CERKL: variants seen among roughly 807,000 people sequenced by gnomAD.
The protein encoded by CERKL is ceramide kinase-like protein.
CERKL carries 61 observed loss-of-function variants against 63.4 expected under a neutral mutation model. The ratio of observed to expected loss-of-function variants is 0.96; its 90% CI spans 0.78 to 1.19. The LOEUF (loss-of-function observed/expected upper bound fraction) is 1.19. Among genes scored for constraint, CERKL ranks in the 50% most tolerant of loss-of-function variants. The pLI is 0.00. For missense variants in CERKL, 675 were observed against 655.5 expected, an observed-to-expected ratio of 1.03 and a Z score of -0.33; for synonymous variants, 250 against 230.5, an observed-to-expected ratio of 1.08 and a Z score of -0.77.
chr2:181,628,059 T>C (rs928255819), intron 1 of CERKL, among the ~76,000 whole-genome samples: 9 of 150,926 alleles, frequency 6.0e-5, no homozygotes, highest in Non-Finnish European at 1.2e-4. Flanking sequence ...AAATGTCTTG[T>C]CCTGAAGGTT....
intron 12 of CERKL, among the ~76,000 whole-genome samples, chr2:181,538,485 C>G (rs1687316333): frequency 8.0e-6 from 1 of 124,868 alleles, no homozygotes; most frequent in Admixed American, 8.5e-5. Flanking sequence ...CTCTGTAAAA[C>G]AGTCAGTTAT....
At position 181,566,032 on chromosome 2, in the gene CERKL, A is replaced by G. The variant is rs543336155; in HGVS notation, c.677+26T>C. On this transcript the variant is annotated intron_variant, in intron 4 of 12. Coordinates refer to ENST00000410087, the MANE Select transcript of CERKL (RefSeq NM_201548.5). ...GCATTTAATACATAAATGATATAACATATATTGATTAATAATATAACCTAC... is the reference window on the plus strand; with the variant it reads ...GCATTTAATACATAAATGATATAACGTATATTGATTAATAATATAACCTAC... 4.9e-6 allele frequency: 7 copies of G among 1,432,786 alleles called. No homozygotes were observed. In the African/African-American group the frequency reaches 8.5e-5, roughly 17 times the overall value. The allele number at this position is 1,432,786 out of a possible 1,614,324, so 88.8% of individuals were successfully genotyped here. A position where few individuals can be genotyped will look rare whatever the true frequency, so the allele number is the denominator to read the frequency against.
At chr2:181,630,457 T>G (rs1286833727) in intron 1 of CERKL, among the ~76,000 whole-genome samples, 2 of 152,140 alleles carry the variant, frequency 1.3e-5, no homozygotes, top group Non-Finnish European at 2.9e-5. Context: ...TAACCCCCAG[T>G]GTGACTGTAT....
intron 2 of CERKL, among the ~76,000 whole-genome samples, chr2:181,603,335 TTAAGTA>T (rs1685535449): frequency 6.6e-6 from 1 of 152,202 alleles, no homozygotes; most frequent in Non-Finnish European, 1.5e-5. Flanking sequence ...ACTAAATTAT[TTAAGTA>T]TTTTATTTCA....
intron 2 of CERKL, among the ~76,000 whole-genome samples, chr2:181,579,097 TCTAA>T (rs1245140630): frequency 6.6e-6 from 1 of 152,012 alleles, no homozygotes; most frequent in East Asian, 1.9e-4. Context: ...GAATTACTTG[TCTAA>T]CTTTTCTTCA....
At chr2:181,651,388 T>C (rs1386275002) in intron 1 of CERKL, among the ~76,000 whole-genome samples, 1 of 152,224 alleles carries the variant, frequency 6.6e-6, no homozygotes, top group East Asian at 1.9e-4. Flanking sequence ...CACAAAGCAG[T>C]AAATGTGATA....
rs1687659613 is a variant in CERKL, at chr2:181,544,973, A to C, written c.1269-177T>G. On this transcript the variant is annotated intron_variant, in intron 10 of 12. Transcript: ENST00000410087. Reference sequence around the variant, plus strand: ...TAAACCGTATCTTGCTATTTTTTAAATGATGCAGGCTTTCAAATGAGTTTT... The same window carrying C: ...TAAACCGTATCTTGCTATTTTTTAACTGATGCAGGCTTTCAAATGAGTTTT... Among the ~76,000 whole-genome samples the C allele has an allele frequency of 2.0e-5, 3 of 152,196 alleles. No individual in the cohort carries two copies. In the South Asian group the frequency reaches 6.2e-4, roughly 31 times the overall value.
chr2:181,580,780 G>A (rs939114734), intron 2 of CERKL, among the ~76,000 whole-genome samples: 1 of 152,076 alleles, frequency 6.6e-6, no homozygotes, highest in Non-Finnish European at 1.5e-5. Flanking sequence ...ATAAAATCTG[G>A]AGTTTTCTTT....
At chr2:181,548,499 GC>G in intron 8 of CERKL, 45 bp downstream of exon 8, 1 of 1,308,268 alleles carries the variant, frequency 7.6e-7, no homozygotes, top group Middle Eastern at 1.9e-4. Flanking sequence ...AATGTTTTAT[GC>G]TTTAAAGATA....
intron 2 of CERKL, among the ~76,000 whole-genome samples, chr2:181,582,677 T>C (rs1684574419): frequency 6.6e-6 from 1 of 151,796 alleles, no homozygotes; most frequent in Non-Finnish European, 1.5e-5. Context: ...CTGGGATTAC[T>C]GGGATTACAG....
intron 2 of CERKL, among the ~76,000 whole-genome samples, chr2:181,588,436 C>T (rs1684854841): frequency 6.6e-6 from 1 of 152,158 alleles, no homozygotes; most frequent in Non-Finnish European, 1.5e-5. Flanking sequence ...ATTTCCTTCT[C>T]TTCAAAGGCT....
chr2:181,599,908 T>G (rs1212072253), intron 2 of CERKL, among the ~76,000 whole-genome samples: 2 of 152,070 alleles, frequency 1.3e-5, no homozygotes, highest in Non-Finnish European at 2.9e-5. Flanking sequence ...CATCAGACTA[T>G]GCAAGGTCAA....
chr2:181,608,778 G>A (rs548564705), intron 1 of CERKL, among the ~76,000 whole-genome samples: 1 of 152,268 alleles, frequency 6.6e-6, no homozygotes, highest in East Asian at 1.9e-4. Flanking sequence ...AAGGGGAAAG[G>A]AGGAGTTGAA....
intron 11 of CERKL, among the ~76,000 whole-genome samples, chr2:181,541,656 T>C (rs1220818099): frequency 2.0e-5 from 3 of 152,184 alleles, no homozygotes; most frequent in African/African-American, 7.2e-5. Context: ...CCAGAGAACC[T>C]GAAGGCCAAA....
Position 181,656,701 on chromosome 2 carries a change from T to C in CERKL, c.238+68A>G, listed in dbSNP as rs185825876. 1,728 of 1,317,832 alleles carry C rather than the reference T, an allele frequency of 1.3e-3. 15 individuals are homozygous for C. In the African/African-American group the frequency reaches 0.023, roughly 18 times the overall value. The allele number at this position is 1,317,832 out of a possible 1,614,324, so 81.6% of individuals were successfully genotyped here. On this transcript the variant is annotated intron_variant, in intron 1 of 12. Transcript: ENST00000410087. Reference sequence around the variant, plus strand: ...AGGGTGGAGCAAAAGCTCGTGGGTGTAGGCCTTGGGCCGGGGAGAGGGAGG... The same window carrying C: ...AGGGTGGAGCAAAAGCTCGTGGGTGCAGGCCTTGGGCCGGGGAGAGGGAGG...
intron 3 of CERKL, among the ~76,000 whole-genome samples, chr2:181,570,579 T>C (rs1688861110): frequency 6.6e-6 from 1 of 152,274 alleles, no homozygotes; most frequent in Admixed American, 6.5e-5. Context: ...CCGGAAGTTT[T>C]TCTGATGCTA....
chr2:181,567,163 A>G (rs1470471039), intron 3 of CERKL, among the ~76,000 whole-genome samples: 1 of 152,124 alleles, frequency 6.6e-6, no homozygotes, highest in Non-Finnish European at 1.5e-5. Flanking sequence ...AAACCTCTCT[A>G]TATTAAATTC....
chr2:181,634,433 A>T (rs1417988897), intron 1 of CERKL, among the ~76,000 whole-genome samples: 1 of 152,160 alleles, frequency 6.6e-6, no homozygotes, highest in Admixed American at 6.5e-5. Context: ...TTGCAACAGT[A>T]TGTGCAGACA....
chr2:181,632,998 C>A (rs1413796670), intron 1 of CERKL, among the ~76,000 whole-genome samples: 1 of 152,200 alleles, frequency 6.6e-6, no homozygotes, highest in Non-Finnish European at 1.5e-5. Context: ...TCAGGGGACA[C>A]AGAGGCGCCT....
Sources: allele counts gnomAD v4.1 joint callset (sites outside exome capture counted in the v4.1 genomes callset), GRCh38; gene constraint gnomAD v4.1.1; transcripts MANE v1.5; gene names NCBI Gene and HGNC (gene_info 2026-07-23, HGNC 2026-07-21).